Variants in PDXDC1 observed in about 807,000 individuals in gnomAD.
PDXDC1 encodes pyridoxal dependent decarboxylase domain containing 1.
Under a neutral mutation model 100.1 loss-of-function variants are expected in PDXDC1, and 42 were observed. The observed-to-expected ratio is 0.42, with a 90% CI of 0.33 to 0.54. PDXDC1 has a LOEUF of 0.54. Ranked by LOEUF, PDXDC1 falls within the 20% of genes least tolerant of loss-of-function variation. PDXDC1 has a pLI of 0.10. For missense variants in PDXDC1, 636 were observed against 979.2 expected (o/e 0.65, Z 4.68); for synonymous variants, 260 against 371.7 (o/e 0.70, Z 3.46).
intron 16 of PDXDC1, among the ~76,000 whole-genome samples, chr16:15,081,191 T>C (rs1300564686): frequency 6.6e-6 from 1 of 152,186 alleles, no homozygotes; most frequent in Non-Finnish European, 1.5e-5. Context: ...ATGTACAAGT[T>C]TTTCTGTGGA....
At chr16:15,122,763 G>C (rs1287731202) in intron 16 of PDXDC1, among the ~76,000 whole-genome samples, 1 of 145,774 alleles carries the variant, frequency 6.9e-6, no homozygotes, top group East Asian at 2.1e-4. Context: ...CAGAGGTGGA[G>C]GTGGCTTAGG....
downstream of PDXDC1, among the ~76,000 whole-genome samples, chr16:15,140,985 C>G (rs1452852600): frequency 2.6e-5 from 4 of 152,142 alleles, no homozygotes; most frequent in Non-Finnish European, 1.5e-5. Flanking sequence ...CCAGCAATGA[C>G]CACCCGGCAG....
chr16:15,003,337 C>A (rs1255134818), intron 4 of PDXDC1, among the ~76,000 whole-genome samples: 1 of 152,312 alleles, frequency 6.6e-6, no homozygotes, highest in African/African-American at 2.4e-5. Flanking sequence ...CTGCCTCAGC[C>A]TCCTGAGTAG....
chr16:15,131,049 G>A, intron 16 of PDXDC1: 1 of 1,564,934 alleles, frequency 6.4e-7, no homozygotes, highest in Non-Finnish European at 8.7e-7. Context: ...CCAAGAACAA[G>A]GCCAGGGGGC....
At chr16:15,059,016 A>G (rs933034447) in intron 16 of PDXDC1, among the ~76,000 whole-genome samples, 2 of 152,222 alleles carry the variant, frequency 1.3e-5, no homozygotes, top group African/African-American at 4.8e-5. Flanking sequence ...GGAAGAAAAC[A>G]TGGTGGAGCT....
intron 16 of PDXDC1, among the ~76,000 whole-genome samples, chr16:15,055,348 C>T (rs2044464833): frequency 6.6e-6 from 1 of 152,200 alleles, no homozygotes; most frequent in South Asian, 2.1e-4. Context: ...CTCTCTCTCC[C>T]GGCTAAAAAT....
In PDXDC1 at chr16:15,038,115, G is replaced by A. The variant is rs773036643; in HGVS notation, c.*1840G>A. On this transcript the variant is annotated 3_prime_UTR_variant, in exon 23 of 23. Coordinates refer to ENST00000396410, the MANE Select transcript of PDXDC1 (RefSeq NM_015027.4). ...GGGCTTTATTTCCAGAAAACAGTGTGTGAGCTGGAGATGGGTGTTTTTTTA... is the reference window on the plus strand; with the variant it reads ...GGGCTTTATTTCCAGAAAACAGTGTATGAGCTGGAGATGGGTGTTTTTTTA... The A allele has an allele frequency of 3.7e-6, 6 of 1,612,164 alleles. No individual in the cohort carries two copies. The East Asian group carries it at 1.1e-4, about 30-fold the overall frequency.
downstream of PDXDC1, chr16:15,041,206 A>C (rs1365895205): frequency 2.2e-6 from 2 of 890,314 alleles, no homozygotes; most frequent in Non-Finnish European, 3.7e-6. Flanking sequence ...GCGAAGGAGG[A>C]GCTCCTCGAT....
intron 16 of PDXDC1, among the ~76,000 whole-genome samples, chr16:15,111,698 C>T (rs1248787105): frequency 1.6e-5 from 2 of 122,032 alleles, no homozygotes; most frequent in African/African-American, 3.0e-5. Context: ...GCAGAGGTTG[C>T]AGTGAGCCAA....
chr16:14,983,338 C>T (rs377032220), intron 1 of PDXDC1, among the ~76,000 whole-genome samples: 23 of 152,322 alleles, frequency 1.5e-4, no homozygotes, highest in Non-Finnish European at 1.3e-4. Context: ...TTTGGGAGGC[C>T]GAGGCGGGCA....
intron 16 of PDXDC1, among the ~76,000 whole-genome samples, chr16:15,049,691 G>C (rs146864278): frequency 2.6e-5 from 4 of 152,104 alleles, no homozygotes; most frequent in African/African-American, 7.2e-5. Flanking sequence ...CTCCCAAGGT[G>C]CTGGGATTAT....
chr16:15,067,786 C>G (rs2045040487), intron 16 of PDXDC1, among the ~76,000 whole-genome samples: 1 of 152,096 alleles, frequency 6.6e-6, no homozygotes. Context: ...GAGACAGGGT[C>G]TCATTCTGGA....
At chr16:15,024,372 T>G (rs1308042808) in intron 13 of PDXDC1, among the ~76,000 whole-genome samples, 2 of 151,984 alleles carry the variant, frequency 1.3e-5, no homozygotes, top group African/African-American at 4.8e-5. Flanking sequence ...TCTCTCTGCC[T>G]GGAAACACTG....
chr16:15,144,989 C>T, the PDXDC1 span, among the ~76,000 whole-genome samples: 1 of 152,174 alleles, frequency 6.6e-6, no homozygotes, highest in Non-Finnish European at 1.5e-5. Context: ...CGTTGTGACC[C>T]CCTTGCATCC....
downstream of PDXDC1, among the ~76,000 whole-genome samples, chr16:15,043,036 G>A (rs2043893242): frequency 6.6e-6 from 1 of 152,148 alleles, no homozygotes; most frequent in African/African-American, 2.4e-5. Context: ...AAGTAGCTGG[G>A]ATTACAGGCA....
chr16:15,094,255 C>G, intron 16 of PDXDC1: 2 of 1,548,526 alleles, frequency 1.3e-6, no homozygotes, highest in East Asian at 4.8e-5. Context: ...AACGCGACCG[C>G]TGCGCCTCAG....
At chr16:14,989,154 A>T in intron 1 of PDXDC1, 1 of 1,614,194 alleles carries the variant, frequency 6.2e-7, no homozygotes, top group Non-Finnish European at 8.5e-7. Flanking sequence ...AGCCCAGAGG[A>T]GCTGGTGGTC....
intron 7 of PDXDC1, chr16:15,009,197 G>A (rs958477125): frequency 4.9e-5 from 19 of 384,556 alleles, no homozygotes; most frequent in African/African-American, 3.1e-4. Flanking sequence ...TTGAAAATGA[G>A]GTTCTTCATT....
intron 16 of PDXDC1, chr16:15,133,975 C>T (rs1349567945): frequency 2.9e-5 from 38 of 1,318,082 alleles, no homozygotes; most frequent in East Asian, 5.0e-5. Flanking sequence ...TCCCGCAGCA[C>T]GCCCCGCCGC....
Sources: allele counts gnomAD v4.1 joint callset (sites outside exome capture counted in the v4.1 genomes callset), GRCh38; gene constraint gnomAD v4.1.1; transcripts MANE v1.5; gene names NCBI Gene and HGNC (gene_info 2026-07-23, HGNC 2026-07-21).